Variants in ZNF296 observed in about 807,000 individuals in gnomAD.
ZNF296 encodes the protein zinc finger protein 342.
ZNF296 carries 1 observed loss-of-function variant against 13.2 expected under a neutral mutation model. That is an observed-to-expected ratio of 0.08 (90% CI 0.03 to 0.36). ZNF296 has a LOEUF of 0.36. Ranked by LOEUF, ZNF296 falls within the 10% of genes least tolerant of loss-of-function variation. ZNF296 has a pLI of 0.99. For synonymous variants in ZNF296, 303 were observed against 289.0 expected, an observed-to-expected ratio of 1.05 and a Z score of -0.49; for missense variants, 555 against 688.2, an observed-to-expected ratio of 0.81 and a Z score of 2.16.
At chr19:45,073,432 G>A (rs1330089746) in intron 2 of ZNF296, among the ~76,000 whole-genome samples, 1 of 146,256 alleles carries the variant, frequency 6.8e-6, no homozygotes, top group Non-Finnish European at 1.5e-5. Context: ...GTGCAGTGGC[G>A]CGATCTCGGC....
chr19:45,075,637 C>A, intron 2 of ZNF296, 76 bp downstream of exon 2: 3 of 1,555,054 alleles, frequency 1.9e-6, no homozygotes, highest in South Asian at 1.2e-5. Flanking sequence ...AGTGCCCTGC[C>A]GTCCAGCCCA....
intron 2 of ZNF296, among the ~76,000 whole-genome samples, chr19:45,074,873 G>A (rs892859220): frequency 6.6e-6 from 1 of 152,060 alleles, no homozygotes; most frequent in East Asian, 1.9e-4. Flanking sequence ...CCCCTCGCTC[G>A]CTCCTCCAGG....
In ZNF296 at chr19:45,072,575, C is replaced by T. The variant is rs746646517; in HGVS notation, c.454G>A (p.Glu152Lys). The T allele has an allele frequency of 6.3e-7, 1 of 1,591,900 alleles. No individual in the cohort carries two copies. Among genetic ancestry groups the T allele is most frequent in the Non-Finnish European group, 8.6e-7 (1 of 1,167,898 alleles). The change falls in exon 3 of 3, where the codon GAG (glutamate) becomes AAG (lysine). Residue 152 changes from glutamate to lysine, a missense_variant. Around this residue, in one of 3 missense-constraint regions of ZNF296, gnomAD observed 410 missense variants for 548.0 expected, o/e 0.75. Coordinates refer to ENST00000303809, the MANE Select transcript of ZNF296 (RefSeq NM_145288.3). The part of the protein sequence containing the change: ...GPSRGQGSER[E>K]ELKALSCLRC... Reference sequence around the variant, plus strand: ...AGGCAGCTCAAGGCCTTCAGCTCCTCTCGTTCTGGTAAGAAAAAGAGGCAG... The same window carrying T: ...AGGCAGCTCAAGGCCTTCAGCTCCTTTCGTTCTGGTAAGAAAAAGAGGCAG...
In ZNF296 at chr19:45,071,950, C is replaced by A; in HGVS notation, c.1079G>T (p.Arg360Ile). 1 of 1,613,720 alleles carries A rather than the reference C, an allele frequency of 6.2e-7. No homozygotes were observed. Among genetic ancestry groups the A allele is most frequent in the Non-Finnish European group, 8.5e-7 (1 of 1,180,026 alleles). The change falls in exon 3 of 3, where the codon AGA becomes ATA. Residue 360 changes from arginine (R) to isoleucine (I), a missense_variant. By Grantham distance (97) the Arg-to-Ile change is moderately conservative. Around this residue, in one of 3 missense-constraint regions of ZNF296, gnomAD observed 410 missense variants for 548.0 expected, o/e 0.75. Coordinates refer to ENST00000303809, the MANE Select transcript of ZNF296 (RefSeq NM_145288.3). ...DTWGAITTEQ[R>I]TDPANSQKAS... ...CTTCTGGCTGTTTGCAGGGTCAGTT[C>A]TTTGTTCCGTGGTGATGGCTCCCCA... is the stretch of plus-strand genomic sequence containing the variant.
Position 45,071,526 on chromosome 19 carries a change from G to A in ZNF296, c.*75C>T. 6.7e-7 allele frequency: 1 copy of A among 1,489,846 alleles called. No individual in the cohort carries two copies. The highest frequency in any genetic ancestry group is 8.9e-7 in the Non-Finnish European group (1 of 1,127,848). 92.3% of individuals were successfully genotyped at this position (1,489,846 alleles called of 1,614,324 possible). ...AAATAAAAGGGAAAATTTACTTGGAGAAGGCGGGCAAAAACGAGGAGGTCA... is the reference window on the plus strand; with the variant it reads ...AAATAAAAGGGAAAATTTACTTGGAAAAGGCGGGCAAAAACGAGGAGGTCA... On this transcript the variant is annotated 3_prime_UTR_variant, in exon 3 of 3. Transcript: ENST00000303809.
Position 45,076,389 on chromosome 19 carries a change from C to T in ZNF296, c.-16G>A, listed in dbSNP as rs374842737. The T allele has an allele frequency of 3.2e-6, 4 of 1,266,876 alleles. No individual in the cohort carries two copies. Among genetic ancestry groups the T allele is most frequent in the Non-Finnish European group, 4.0e-6 (4 of 1,006,360 alleles). 78.5% of individuals were successfully genotyped at this position (1,266,876 alleles called of 1,614,324 possible). A position where few individuals can be genotyped will look rare whatever the true frequency, so the allele number is the denominator to read the frequency against. On this transcript the variant is annotated 5_prime_UTR_variant, in exon 1 of 3. Transcript: ENST00000303809. The surrounding 1 kb of genome is among the most constrained non-coding windows in gnomAD (Gnocchi z 4.9). ...GGCGGGACATGAGTCGCGGGCCGGG[C>T]GAGCGAGCGGGCGGGCAGGCAGGCA...
chr19:45,076,068 G>C lies in ZNF296; in HGVS notation c.298+8C>G, dbSNP rs763666403. 1 of 1,581,324 alleles carries C rather than the reference G, an allele frequency of 6.3e-7. No homozygotes were observed. The highest frequency in any genetic ancestry group is 1.1e-5 in the South Asian group (1 of 87,512). ...AGGGAGGCTGGGCCCAGGGCCCGGG[G>C]TGCTCACCGGGATAGTTCGGGGTCA... On this transcript the variant is annotated splice_region_variant and intron_variant, in intron 1 of 2. Coordinates refer to ENST00000303809, the MANE Select transcript of ZNF296 (RefSeq NM_145288.3). This position sits in a 1 kb window ranked among gnomAD's most constrained non-coding sequence, Gnocchi z 4.9.
chr19:45,072,332 A>T lies in ZNF296; in HGVS notation c.697T>A (p.Cys233Ser), dbSNP rs1967271487. 1 of 1,612,940 alleles carries T rather than the reference A, an allele frequency of 6.2e-7. No individual in the cohort carries two copies. Among genetic ancestry groups the T allele is most frequent in the Non-Finnish European group, 8.5e-7 (1 of 1,179,906 alleles). ...CTGAGGGTCTTCTTGCACACAGGAC[A>T]GGTGGGGCTCCGCCGGGTGAGGCCG... ...GSGLTRRSPT[C>S]PVCKKTLSSF... Residue 233 changes from cysteine (C) to serine (S), a missense_variant, in exon 3 of 3, where the codon TGT becomes AGT. By Grantham distance (112) the Cys-to-Ser change is moderately radical. This residue lies in a region of ZNF296 where 410 missense variants were observed against 548.0 expected (regional missense o/e 0.75). Transcript: ENST00000303809.
At position 45,076,404 on chromosome 19, in the gene ZNF296, G is replaced by T. The variant is rs1291081565; in HGVS notation, c.-31C>A. Reference sequence around the variant, plus strand: ...GCGGGCCGGGCGAGCGAGCGGGCGGGCAGGCAGGCAGGCGGGCGGGCGGAG... The same window carrying T: ...GCGGGCCGGGCGAGCGAGCGGGCGGTCAGGCAGGCAGGCGGGCGGGCGGAG... On this transcript the variant is annotated 5_prime_UTR_variant, in exon 1 of 3. Coordinates refer to ENST00000303809, the MANE Select transcript of ZNF296 (RefSeq NM_145288.3). This position sits in a 1 kb window ranked among gnomAD's most constrained non-coding sequence, Gnocchi z 4.9. The T allele has an allele frequency of 1.9e-5, 23 of 1,226,416 alleles. No homozygotes were observed. Among genetic ancestry groups the T allele is most frequent in the Non-Finnish European group, 2.3e-5 (23 of 983,974 alleles). 76.0% of individuals were successfully genotyped at this position (1,226,416 alleles called of 1,614,324 possible).
Position 45,072,021 on chromosome 19 carries a change from G to A in ZNF296, c.1008C>T (p.Pro336=), listed in dbSNP as rs773406447. 15 of 1,612,932 alleles carry A rather than the reference G, an allele frequency of 9.3e-6. No individual in the cohort carries two copies. Among genetic ancestry groups the A allele is most frequent in the Admixed American group, 3.3e-5 (2 of 60,000 alleles). Residue 336 remains proline (P), a synonymous_variant, in exon 3 of 3, where the codon CCC becomes CCT. Transcript: ENST00000303809. The part of the protein sequence containing the change: ...GAAATAGVQE[P]GAPGSGAQAG... Reference sequence around the variant, plus strand: ...CTTGAGCCCCACTGCCAGGAGCCCCGGGTTCCTGGACACCTGCTGTGGCGG... The same window carrying A: ...CTTGAGCCCCACTGCCAGGAGCCCCAGGTTCCTGGACACCTGCTGTGGCGG...
At chr19:45,075,931 G>C (rs1048817780) in intron 1 of ZNF296, 69 bp from the exon 2 acceptor site, 16 of 1,599,524 alleles carry the variant, frequency 1.0e-5, no homozygotes, top group Non-Finnish European at 1.3e-5. Flanking sequence ...CTGAAGGAGA[G>C]GGGAAACCGA....
chr19:45,072,462 T>C lies in ZNF296; in HGVS notation c.567A>G (p.Ser189=). 1.2e-6 allele frequency: 2 copies of C among 1,613,208 alleles called. No individual in the cohort carries two copies. The highest frequency in any genetic ancestry group is 2.2e-5 in the South Asian group (2 of 91,082). ...DHGLSIYQTE[S]EAPEAPLLGL... ...CCAGGAGCGGGGCCTCCGGGGCCTC[T>C]GATTCTGTCTGGTAGATGGACAGTC... Residue 189 remains serine, a synonymous_variant, in exon 3 of 3, where the codon TCA becomes TCG. Coordinates refer to ENST00000303809, the MANE Select transcript of ZNF296 (RefSeq NM_145288.3).
intron 2 of ZNF296, among the ~76,000 whole-genome samples, chr19:45,074,990 A>T (rs989636984): frequency 6.6e-6 from 1 of 152,156 alleles, no homozygotes; most frequent in Non-Finnish European, 1.5e-5. Flanking sequence ...TCCACTTCTC[A>T]AAAGTCTCAG....
At chr19:45,072,916 C>T (rs775717173) in intron 2 of ZNF296, among the ~76,000 whole-genome samples, 2 of 152,204 alleles carry the variant, frequency 1.3e-5, no homozygotes, top group Admixed American at 6.5e-5. Context: ...CGCCCGCCAC[C>T]ATGCCTGGCT....
At position 45,072,016 on chromosome 19, in the gene ZNF296, G is replaced by GC; in HGVS notation, c.1012dup (p.Ala338GlyfsTer25). On this transcript the variant is annotated frameshift_variant, in exon 3 of 3. Transcript: ENST00000303809. LOFTEE classifies it low-confidence loss of function (END_TRUNC). ...GCCGGCTTGAGCCCCACTGCCAGGA[G>GC]CCCCGGGTTCCTGGACACCTGCTGT... 1 of 1,613,092 alleles carries GC rather than the reference G, an allele frequency of 6.2e-7. No individual in the cohort carries two copies. Among genetic ancestry groups the GC allele is most frequent in the Non-Finnish European group, 8.5e-7 (1 of 1,179,992 alleles).
Position 45,076,423 on chromosome 19 carries a change from GGCGGAGGACGCACGA to G in ZNF296, c.-65_-51del, listed in dbSNP as rs1011585188. 2.8e-5 allele frequency: 34 copies of G among 1,204,778 alleles called. No homozygotes were observed. The highest frequency in any genetic ancestry group is 2.2e-4 in the African/African-American group (14 of 63,258). The allele number at this position is 1,204,778 out of a possible 1,614,324, so 74.6% of individuals were successfully genotyped here. ...GGGCGGGCAGGCAGGCAGGCGGGCG[GGCGGAGGACGCACGA>G]GCGGAGGACGCGCGGACCGTGCGCG... On this transcript the variant is annotated 5_prime_UTR_variant, in exon 1 of 3. Coordinates refer to ENST00000303809, the MANE Select transcript of ZNF296 (RefSeq NM_145288.3). This position sits in a 1 kb window ranked among gnomAD's most constrained non-coding sequence, Gnocchi z 4.9.
At chr19:45,072,952 G>A (rs180998700) in intron 2 of ZNF296, among the ~76,000 whole-genome samples, 79 of 152,266 alleles carry the variant, frequency 5.2e-4, no homozygotes, top group African/African-American at 1.8e-3. Context: ...GGGTTTCACC[G>A]TGTTGGCCAG....
chr19:45,073,936 C>T (rs1296112230), intron 2 of ZNF296, among the ~76,000 whole-genome samples: 4 of 151,698 alleles, frequency 2.6e-5, no homozygotes, highest in Admixed American at 6.6e-5. Context: ...GCAGGAGAAT[C>T]GCTTGAACCC....
Position 45,071,766 on chromosome 19 carries a change from G to A in ZNF296, c.1263C>T (p.Tyr421=), listed in dbSNP as rs200886801. 1.5e-5 allele frequency: 24 copies of A among 1,613,080 alleles called. No individual in the cohort carries two copies. The highest frequency in any genetic ancestry group is 1.2e-4 in the South Asian group (11 of 91,058). ...TGAGCTTACTGCTCTGGGCGCAGGC[G>A]TAGTTGCAGAACTCACAGGTGTAGG... The part of the protein sequence containing the change: ...ERPYTCEFCN[Y]ACAQSSKLNR... Residue 421 remains tyrosine (Y), a synonymous_variant, in exon 3 of 3, where the codon TAC becomes TAT. Coordinates refer to ENST00000303809, the MANE Select transcript of ZNF296 (RefSeq NM_145288.3).
Sources: gnomAD v4.1 joint callset for allele counts (sites outside exome capture counted in the v4.1 genomes callset) on GRCh38, gnomAD v4.1.1 for gene constraint, gnomAD v4.1.1 regional missense constraint, Gnocchi (gnomAD v3.1) non-coding constraint, MANE v1.5 for transcripts, NCBI Gene and HGNC (gene_info 2026-07-23, HGNC 2026-07-21) for gene names.